TRAP1: variants seen among roughly 807,000 people sequenced by gnomAD.
TRAP1 encodes the protein heat shock protein 75 kDa, mitochondrial.
TRAP1 carries 102 observed loss-of-function variants against 89.1 expected under a neutral mutation model. The observed-to-expected ratio is 1.15, with a 90% confidence interval of 0.98 to 1.35. The LOEUF is 1.35. Among genes scored for constraint, TRAP1 ranks in the 40% most tolerant of loss-of-function variants. The pLI is 0.00. For missense variants in TRAP1, 1,256 were observed against 945.3 expected (o/e 1.33, Z -4.31); for synonymous variants, 508 against 388.0 (o/e 1.31, Z -3.64).
chr16:3,684,522 T>C (rs951455546), intron 4 of TRAP1, among the ~76,000 whole-genome samples: 1 of 152,186 alleles, frequency 6.6e-6, no homozygotes, highest in Non-Finnish European at 1.5e-5. Context: ...CTGGGTATGG[T>C]GGCTCATGCC....
chr16:3,686,816 T>C (rs996132443), intron 3 of TRAP1, among the ~76,000 whole-genome samples: 2 of 151,956 alleles, frequency 1.3e-5, no homozygotes, highest in African/African-American at 4.8e-5. Flanking sequence ...ACTAAAAATA[T>C]TAAAATTAGC....
intron 6 of TRAP1, chr16:3,676,921 GCA>G (rs2051004778): frequency 6.5e-6 from 1 of 153,158 alleles, no homozygotes; most frequent in Non-Finnish European, 1.5e-5. Context: ...GGGCGTGGTG[GCA>G]TGCGCCTGTA....
intron 1 of TRAP1, among the ~76,000 whole-genome samples, chr16:3,704,032 A>C (rs1177137485): frequency 6.6e-6 from 1 of 151,440 alleles, no homozygotes; most frequent in East Asian, 1.9e-4. Context: ...AAAAATCAAA[A>C]AACAAAACTA....
chr16:3,696,737 T>TC (rs2051292768), intron 1 of TRAP1, among the ~76,000 whole-genome samples: 1 of 149,474 alleles, frequency 6.7e-6, no homozygotes, highest in Non-Finnish European at 1.5e-5. Flanking sequence ...TTTTTTTTCT[T>TC]TTTTTTTTTG....
At chr16:3,713,071 C>T (rs2051552918) in intron 1 of TRAP1, among the ~76,000 whole-genome samples, 1 of 152,130 alleles carries the variant, frequency 6.6e-6, no homozygotes, top group African/African-American at 2.4e-5. Context: ...ATGTCATGGA[C>T]GCTACACCTC....
intron 5 of TRAP1, chr16:3,678,325 T>C (rs1402052438): frequency 6.6e-6 from 1 of 152,240 alleles, no homozygotes; most frequent in African/African-American, 2.4e-5. Flanking sequence ...TTTATTTAAT[T>C]TGAATGCATT....
At chr16:3,715,601 C>A (rs2051588011) in intron 1 of TRAP1, among the ~76,000 whole-genome samples, 1 of 152,058 alleles carries the variant, frequency 6.6e-6, no homozygotes, top group Non-Finnish European at 1.5e-5. Flanking sequence ...AAAATCTTAA[C>A]CTCCAAGGGG....
intron 13 of TRAP1, chr16:3,663,988 A>C: frequency 2.7e-6 from 1 of 367,058 alleles, no homozygotes; most frequent in Admixed American, 4.5e-5. Context: ...ACCTGAACCC[A>C]GGAGGCGGAA....
chr16:3,696,049 C>A (rs573509883), intron 1 of TRAP1, among the ~76,000 whole-genome samples: 2 of 152,316 alleles, frequency 1.3e-5, no homozygotes, highest in South Asian at 4.1e-4. Flanking sequence ...TGACAGGGCC[C>A]AGGCGCGATG....
At position 3,658,252 on chromosome 16, in the gene TRAP1, CCATTATGAGGGGCATGGGG is replaced by C. The variant is rs759940743; in HGVS notation, c.2014-41_2014-23del. Reference sequence around the variant, plus strand: ...ATATCTGAAAGGCAAGAGGAGAAACCCATTATGAGGGGCATGGGGCACCTTTTCATTTTTTTTTTTTTGA... The same window carrying C: ...ATATCTGAAAGGCAAGAGGAGAAACCCACCTTTTCATTTTTTTTTTTTTGA... On this transcript the variant is annotated intron_variant, in intron 17 of 17. Coordinates refer to ENST00000246957, the MANE Select transcript of TRAP1 (RefSeq NM_016292.3). 43 of 1,592,964 alleles carry C rather than the reference CCATTATGAGGGGCATGGGG, an allele frequency of 2.7e-5. 1 individual carries two copies. In the South Asian group the frequency reaches 4.1e-4, roughly 15 times the overall value.
chr16:3,664,712 C>A, intron 12 of TRAP1: 1 of 461,742 alleles, frequency 2.2e-6, no homozygotes, highest in East Asian at 4.3e-5. Context: ...CAGGGAGCTA[C>A]GCGCACCACG....
intron 7 of TRAP1, among the ~76,000 whole-genome samples, chr16:3,675,802 AAGG>A (rs895574819): frequency 2.6e-5 from 4 of 152,176 alleles, no homozygotes; most frequent in African/African-American, 9.6e-5. Context: ...CACGCAGAGG[AAGG>A]AGGAGGAGGT....
intron 4 of TRAP1, among the ~76,000 whole-genome samples, chr16:3,683,486 A>G (rs554438657): frequency 4.0e-5 from 6 of 151,678 alleles, no homozygotes; most frequent in Admixed American, 3.9e-4. Flanking sequence ...CCCGGGTTCA[A>G]GCAATTCTCC....
At chr16:3,679,690 G>T in intron 5 of TRAP1, 29 bp downstream of exon 5, 1 of 1,613,028 alleles carries the variant, frequency 6.2e-7, no homozygotes, top group Non-Finnish European at 8.5e-7. Context: ...GAGGGGAAGG[G>T]GGAGGCTGTG....
At chr16:3,707,680 C>T (rs1282014748) in intron 1 of TRAP1, among the ~76,000 whole-genome samples, 1 of 150,150 alleles carries the variant, frequency 6.7e-6, no homozygotes, top group Non-Finnish European at 1.5e-5. Flanking sequence ...ATGGTGAAAC[C>T]CCGTCTCTAC....
intron 1 of TRAP1, among the ~76,000 whole-genome samples, chr16:3,696,597 C>T (rs1000173047): frequency 5.3e-5 from 8 of 152,180 alleles, no homozygotes; most frequent in African/African-American, 1.7e-4. Flanking sequence ...ACTCTGTTGC[C>T]CAGGCTGGAT....
Position 3,666,178 on chromosome 16 carries a change from G to A in TRAP1, c.1236-60C>T, listed in dbSNP as rs557922515. ...AGCCTCTATGAAATACAAATGGCCA[G>A]AGGGTACGAAAAAATGTTCAGCCCC... On this transcript the variant is annotated intron_variant, in intron 11 of 17. Transcript: ENST00000246957. The A allele has an allele frequency of 4.5e-6, 7 of 1,552,106 alleles. No homozygotes were observed. The Admixed American group carries it at 6.1e-5, about 14-fold the overall frequency.
Position 3,662,206 on chromosome 16 carries a change from T to C in TRAP1, c.1795-74A>G. The C allele has an allele frequency of 6.5e-6, 10 of 1,546,330 alleles. No individual in the cohort carries two copies. In the South Asian group the frequency reaches 1.2e-4, roughly 19 times the overall value. ...AGGGCTGGCAGGATCTTACCAGGGGTGAAGGTCACCCAGACCACGAGGTAG... is the reference window on the plus strand; with the variant it reads ...AGGGCTGGCAGGATCTTACCAGGGGCGAAGGTCACCCAGACCACGAGGTAG... On this transcript the variant is annotated intron_variant, in intron 15 of 17. Coordinates refer to ENST00000246957, the MANE Select transcript of TRAP1 (RefSeq NM_016292.3).
chr16:3,669,617 A>C (rs1163516484), intron 11 of TRAP1, among the ~76,000 whole-genome samples: 1 of 151,250 alleles, frequency 6.6e-6, no homozygotes, highest in Non-Finnish European at 1.5e-5. Context: ...GGCAGATCAC[A>C]AGGTCAGGAG....
Sources: gnomAD v4.1 joint callset for allele counts (sites outside exome capture counted in the v4.1 genomes callset) on GRCh38, gnomAD v4.1.1 for gene constraint, MANE v1.5 for transcripts, NCBI Gene and HGNC (gene_info 2026-07-23, HGNC 2026-07-21) for gene names.